The following NFKB1 variants were observed in gnomAD, a reference collection of about 807,000 sequenced individuals.
The protein encoded by NFKB1 is nuclear factor kappa B subunit 1.
Under a neutral mutation model 105.1 loss-of-function variants are expected in NFKB1, and 9 were observed. The observed-to-expected ratio is 0.09, with a 90% CI of 0.05 to 0.15. The LOEUF (loss-of-function observed/expected upper bound fraction) is 0.15, where lower values mean the gene tolerates loss of function less well. NFKB1 is among the 10% of genes least tolerant of loss of function. The probability of loss-of-function intolerance (pLI) is 1.00; values close to 1 mark genes in which losing one functional copy is unlikely to be tolerated. For missense variants in NFKB1, 830 were observed against 1,203.7 expected, an observed-to-expected ratio of 0.69 and a Z score of 4.59; for synonymous variants, 440 against 442.2, an observed-to-expected ratio of 1.00 and a Z score of 0.06.
At chr4:102,510,780 C>A in intron 1 of NFKB1, 1 of 228,574 alleles carries the variant, frequency 4.4e-6, no homozygotes, top group Non-Finnish European at 7.9e-6. Flanking sequence ...TATTTAAATG[C>A]TAGATTGATT....
At chr4:102,615,162 GTTCA>G (rs1319392368) in intron 23 of NFKB1, among the ~76,000 whole-genome samples, 1 of 152,160 alleles carries the variant, frequency 6.6e-6, no homozygotes, top group East Asian at 1.9e-4. Context: ...ATGCCCTTCA[GTTCA>G]TTCAGTCATT....
intron 4 of NFKB1, among the ~76,000 whole-genome samples, chr4:102,536,704 C>G (rs1223098514): frequency 1.3e-5 from 2 of 152,078 alleles, no homozygotes; most frequent in African/African-American, 4.8e-5. Flanking sequence ...GAACCCCCAC[C>G]AGCAGCTAGT....
At chr4:102,553,027 A>G (rs555500431) in intron 5 of NFKB1, among the ~76,000 whole-genome samples, 65 of 152,304 alleles carry the variant, frequency 4.3e-4, no homozygotes, top group African/African-American at 1.6e-3. Context: ...CTCACTTGTA[A>G]TTCTCTTAAT....
intron 15 of NFKB1, among the ~76,000 whole-genome samples, chr4:102,600,504 C>G (rs1727049810): frequency 6.6e-6 from 1 of 152,156 alleles, no homozygotes; most frequent in Non-Finnish European, 1.5e-5. Flanking sequence ...TACATAGAAT[C>G]TGTGTGTCAG....
intron 11 of NFKB1, among the ~76,000 whole-genome samples, chr4:102,589,308 G>C (rs1465913622): frequency 1.3e-5 from 2 of 152,176 alleles, no homozygotes; most frequent in African/African-American, 4.8e-5. Flanking sequence ...TCATATGTCT[G>C]CAGTGAACAG....
At chr4:102,504,078 G>C (rs1475307089) in intron 1 of NFKB1, among the ~76,000 whole-genome samples, 2 of 152,164 alleles carry the variant, frequency 1.3e-5, no homozygotes, top group African/African-American at 2.4e-5. Flanking sequence ...CTTCTGGGGG[G>C]AAGTGGTTAC....
chr4:102,540,706 G>C (rs1741942929), intron 5 of NFKB1, among the ~76,000 whole-genome samples: 1 of 152,088 alleles, frequency 6.6e-6, no homozygotes, highest in Non-Finnish European at 1.5e-5. Flanking sequence ...AACAGTTATA[G>C]GAAGTAATTT....
intron 5 of NFKB1, among the ~76,000 whole-genome samples, chr4:102,542,336 T>C (rs1742048350): frequency 6.6e-6 from 1 of 152,214 alleles, no homozygotes; most frequent in Non-Finnish European, 1.5e-5. Context: ...TTTAGCTTTC[T>C]GATATCTTGC....
chr4:102,552,051 T>G (rs747695689), intron 5 of NFKB1, among the ~76,000 whole-genome samples: 32 of 152,160 alleles, frequency 2.1e-4, no homozygotes, highest in Non-Finnish European at 4.6e-4. Context: ...TTAGGCTGCA[T>G]TAATGGAAAC....
At chr4:102,559,337 A>T (rs1578761161) in intron 5 of NFKB1, among the ~76,000 whole-genome samples, 1 of 152,180 alleles carries the variant, frequency 6.6e-6, no homozygotes, top group Non-Finnish European at 1.5e-5. Context: ...TGCACTAATC[A>T]CTCAGCTTTA....
At chr4:102,561,408 T>C (rs1292453298) in intron 5 of NFKB1, among the ~76,000 whole-genome samples, 1 of 152,032 alleles carries the variant, frequency 6.6e-6, no homozygotes. Context: ...CTCTACCACT[T>C]CTTATAGCCA....
chr4:102,573,247 G>A (rs1288971169), intron 6 of NFKB1, among the ~76,000 whole-genome samples: 1 of 152,176 alleles, frequency 6.6e-6, no homozygotes, highest in African/African-American at 2.4e-5. Flanking sequence ...GGCAGAGGTT[G>A]CGGTGAGCCG....
chr4:102,589,873 A>G (rs1223321198), intron 11 of NFKB1, among the ~76,000 whole-genome samples: 1 of 152,212 alleles, frequency 6.6e-6, no homozygotes, highest in Non-Finnish European at 1.5e-5. Context: ...AGGAAACAGA[A>G]AGGAGAAACA....
chr4:102,515,106 TA>T (rs1245432816), intron 1 of NFKB1, among the ~76,000 whole-genome samples: 1,462 of 120,196 alleles, frequency 0.012, 37 homozygotes, highest in African/African-American at 0.031. Context: ...TTATTATTAT[TA>T]TTTTTTTTTT....
rs192569750 is a variant in NFKB1, at chr4:102,616,697, G to A, written c.*103G>A. 96 of 1,186,154 alleles carry A rather than the reference G, an allele frequency of 8.1e-5. No individual in the cohort carries two copies. The African/African-American group carries it at 1.1e-3, about 14-fold the overall frequency. 73.5% of individuals were successfully genotyped at this position (1,186,154 alleles called of 1,614,324 possible). On this transcript the variant is annotated 3_prime_UTR_variant, in exon 24 of 24. Transcript: ENST00000226574. Reference sequence around the variant, plus strand: ...TGCATCCAAAGGTGCTCAGAGAGCCGGCCCGCCTGAATCATTCTCGATTTA... The same window carrying A: ...TGCATCCAAAGGTGCTCAGAGAGCCAGCCCGCCTGAATCATTCTCGATTTA...
intron 1 of NFKB1, among the ~76,000 whole-genome samples, chr4:102,504,778 GAGAC>G (rs112066468): frequency 6.6e-6 from 1 of 152,252 alleles, no homozygotes; most frequent in African/African-American, 2.4e-5. Flanking sequence ...CACTACTTTG[GAGAC>G]AGACAGTTTG....
intron 5 of NFKB1, among the ~76,000 whole-genome samples, chr4:102,563,141 T>A (rs1012026251): frequency 6.6e-6 from 1 of 152,184 alleles, no homozygotes; most frequent in African/African-American, 2.4e-5. Context: ...AAGAGGTAAT[T>A]TGACTAAGAT....
chr4:102,511,183 T>C (rs907432465), intron 1 of NFKB1, among the ~76,000 whole-genome samples: 2 of 152,356 alleles, frequency 1.3e-5, no homozygotes, highest in Non-Finnish European at 2.9e-5. Context: ...GATGTTTTGA[T>C]ATACATATGC....
At chr4:102,598,705 C>A (rs1436695632) in intron 15 of NFKB1, among the ~76,000 whole-genome samples, 1 of 152,208 alleles carries the variant, frequency 6.6e-6, no homozygotes, top group Non-Finnish European at 1.5e-5. Context: ...CAAGAAAAAG[C>A]AGTTAACCAA....
Sources: allele counts gnomAD v4.1 joint callset (sites outside exome capture counted in the v4.1 genomes callset), GRCh38; gene constraint gnomAD v4.1.1; transcripts MANE v1.5; gene names NCBI Gene and HGNC (gene_info 2026-07-23, HGNC 2026-07-21).